Variants in NASP observed in about 807,000 individuals in gnomAD.
NASP encodes the protein nuclear autoantigenic sperm protein, also known as NASP histone chaperone.
NASP carries 24 observed loss-of-function variants against 89.5 expected under a neutral mutation model. The observed-to-expected ratio is 0.27, with a 90% CI of 0.19 to 0.38. NASP has a LOEUF of 0.38. NASP is among the 10% of genes least tolerant of loss of function. The pLI is 1.00. For synonymous variants in NASP, 306 were observed against 324.7 expected (o/e 0.94, Z 0.62); for missense variants, 848 against 921.4 (o/e 0.92, Z 1.03).
intron 6 of NASP, 190 bp from the exon 7 acceptor site, chr1:45,612,979 A>G: frequency 1.4e-6 from 1 of 692,102 alleles, no homozygotes; most frequent in Non-Finnish European, 2.1e-6. Context: ...AAGATTGCAC[A>G]TTCTTAGTCT....
intron 14 of NASP, among the ~76,000 whole-genome samples, chr1:45,617,841 AC>A (rs1195043400): frequency 6.6e-6 from 1 of 152,184 alleles, no homozygotes; most frequent in African/African-American, 2.4e-5. Flanking sequence ...GATGGGCAAA[AC>A]CATTAGGTCA....
At position 45,595,127 on chromosome 1, in the gene NASP, TTTTG is replaced by T. The variant is rs1351113410; in HGVS notation, c.107+3859_107+3862del. On this transcript the variant is annotated intron_variant, in intron 2 of 14. Transcript: ENST00000350030. ...TCCTGCCTCAGCCTGCCAGACTAAG[TTTTG>T]TGTGTGTGTGTGTGTGTGTGTGTGT... is the stretch of plus-strand genomic sequence containing the variant. Among the ~76,000 whole-genome samples, 71 of 129,528 alleles carry T rather than the reference TTTTG, an allele frequency of 5.5e-4. No homozygotes were observed. The East Asian group carries it at 0.01, about 19-fold the overall frequency. The allele number at this position is 129,528 out of a possible 152,430, so 85.0% of individuals were successfully genotyped here.
chr1:45,587,893 G>T (rs1281386768), intron 1 of NASP, among the ~76,000 whole-genome samples: 2 of 150,962 alleles, frequency 1.3e-5, no homozygotes, highest in East Asian at 2.0e-4. Flanking sequence ...GGCAGAGGTT[G>T]CAGTGAGTCG....
chr1:45,603,529 C>T (rs1047844135), intron 3 of NASP, among the ~76,000 whole-genome samples: 1 of 151,806 alleles, frequency 6.6e-6, no homozygotes, highest in South Asian at 2.1e-4. Flanking sequence ...TGATTCCTGT[C>T]CTCTTTGTTC....
chr1:45,616,883 C>T (rs1188931507), intron 13 of NASP, among the ~76,000 whole-genome samples, 180 bp downstream of exon 13: 2 of 152,160 alleles, frequency 1.3e-5, no homozygotes, highest in Non-Finnish European at 2.9e-5. Flanking sequence ...CTTGCTCTGT[C>T]ACCCAGGCTG....
intron 13 of NASP, among the ~76,000 whole-genome samples, 183 bp downstream of exon 13, chr1:45,616,886 C>A (rs763522917): frequency 3.3e-5 from 5 of 152,038 alleles, no homozygotes; most frequent in Non-Finnish European, 5.9e-5. Context: ...GCTCTGTCAC[C>A]CAGGCTGGAG....
At position 45,617,493 on chromosome 1, in the gene NASP, G is replaced by C; in HGVS notation, c.2188G>C (p.Asp730His). 6.2e-7 allele frequency: 1 copy of C among 1,613,756 alleles called. No homozygotes were observed. The highest frequency in any genetic ancestry group is 8.5e-7 in the Non-Finnish European group (1 of 1,179,858). Residue 730 changes from aspartate to histidine, a missense_variant, in exon 14 of 15, where the codon GAT (aspartate) becomes CAT (histidine). Around this residue, in one of 5 missense-constraint regions of NASP, gnomAD observed 218 missense variants for 219.6 expected, o/e 0.99. Coordinates refer to ENST00000350030, the MANE Select transcript of NASP (RefSeq NM_002482.4). ...RKPEEESPRKDDAKKAKQEPE... is the reference protein window; with the variant it reads ...RKPEEESPRKHDAKKAKQEPE... ...ACCAGAGGAAGAGAGTCCCCGGAAA[G>C]ATGATGCAAAGAAAGCCAAACAAGA...
rs774369299 is a variant in NASP, at chr1:45,616,632, A to G, written c.2086A>G (p.Ser696Gly). The G allele has an allele frequency of 4.3e-6, 7 of 1,613,998 alleles. No homozygotes were observed. Among genetic ancestry groups the G allele is most frequent in the Admixed American group, 1.7e-5 (1 of 60,026 alleles). Residue 696 changes from serine to glycine, a missense_variant, in exon 13 of 15, where the codon AGT becomes GGT. Ser to Gly is a moderately conservative substitution (Grantham distance 56, BLOSUM62 0). Coordinates refer to ENST00000350030, the MANE Select transcript of NASP (RefSeq NM_002482.4). ...TAAGGGCTTATTTTGCCAGATTGCC[A>G]GTAGAAAGCCAACAGACGGTGCTTC... ...GGGSSVSMIASRKPTDGASSS... is the reference protein window; with the variant it reads ...GGGSSVSMIAGRKPTDGASSS...
chr1:45,617,281 G>T, intron 13 of NASP, 182 bp from the exon 14 acceptor site: 1 of 625,144 alleles, frequency 1.6e-6, no homozygotes, highest in Non-Finnish European at 2.7e-6. Flanking sequence ...GATATGGTGG[G>T]ACAGATTAAT....
intron 2 of NASP, 70 bp from the exon 3 acceptor site, chr1:45,602,185 A>C: frequency 6.5e-7 from 1 of 1,530,136 alleles, no homozygotes; most frequent in Non-Finnish European, 8.8e-7. Flanking sequence ...CTATTGCTCA[A>C]ATGTAGCAGG....
chr1:45,589,340 T>G (rs544947669), intron 1 of NASP, among the ~76,000 whole-genome samples: 1 of 152,044 alleles, frequency 6.6e-6, no homozygotes, highest in Admixed American at 6.6e-5. Flanking sequence ...CCCAGGTTGG[T>G]TTTTGAACCC....
intron 1 of NASP, among the ~76,000 whole-genome samples, chr1:45,585,569 C>T (rs1644521820): frequency 6.6e-6 from 1 of 152,120 alleles, no homozygotes; most frequent in African/African-American, 2.4e-5. Flanking sequence ...ATAGATTGGG[C>T]TTGGGAGTCG....
intron 11 of NASP, 42 bp downstream of exon 11, chr1:45,615,513 ATTTATG>A: frequency 1.9e-6 from 3 of 1,555,974 alleles, no homozygotes; most frequent in Non-Finnish European, 2.6e-6. Context: ...GTTTGGTACC[ATTTATG>A]TTAATGTTCT....
At chr1:45,602,214 T>A in intron 2 of NASP, 41 bp from the exon 3 acceptor site, 1 of 1,578,930 alleles carries the variant, frequency 6.3e-7, no homozygotes, top group Non-Finnish European at 8.6e-7. Context: ...AAATACTGAT[T>A]TAAACAGTAC....
At chr1:45,585,359 A>C (rs984012039) in intron 1 of NASP, among the ~76,000 whole-genome samples, 1 of 151,626 alleles carries the variant, frequency 6.6e-6, no homozygotes, top group African/African-American at 2.4e-5. Flanking sequence ...ATAGGCTTAC[A>C]CTCTGTCATG....
At chr1:45,586,556 T>C (rs1198674964) in intron 1 of NASP, among the ~76,000 whole-genome samples, 1 of 152,134 alleles carries the variant, frequency 6.6e-6, no homozygotes, top group Admixed American at 6.6e-5. Context: ...CTCAAAGTGC[T>C]GAGATTACCG....
intron 4 of NASP, among the ~76,000 whole-genome samples, 180 bp from the exon 5 acceptor site, chr1:45,606,302 G>A (rs946849297): frequency 6.6e-5 from 10 of 152,174 alleles, no homozygotes; most frequent in Admixed American, 5.9e-4. Context: ...CAGTGCTCTT[G>A]CAGTCTTAAT....
chr1:45,592,403 A>G (rs1643574105), intron 2 of NASP, among the ~76,000 whole-genome samples: 1 of 152,230 alleles, frequency 6.6e-6, no homozygotes, highest in African/African-American at 2.4e-5. Context: ...CTGATCTACC[A>G]TGCCCAGCTG....
chr1:45,613,362 C>T (rs1644049276), intron 7 of NASP, 114 bp downstream of exon 7: 1 of 1,229,308 alleles, frequency 8.1e-7, no homozygotes. Flanking sequence ...TCATGGCTCA[C>T]TGCAGCCTAG....
Sources: allele counts gnomAD v4.1 joint callset (sites outside exome capture counted in the v4.1 genomes callset), GRCh38; gene constraint gnomAD v4.1.1; regional missense constraint gnomAD v4.1.1; transcripts MANE v1.5; gene names NCBI Gene and HGNC (gene_info 2026-07-23, HGNC 2026-07-21).